The following JMJD1C variants were observed in gnomAD, a reference collection of about 807,000 sequenced individuals.
JMJD1C encodes jumonji domain-containing protein 1C.
Under a neutral mutation model 245.3 loss-of-function variants are expected in JMJD1C, and 31 were observed. That is an observed-to-expected ratio of 0.13 (90% confidence interval 0.09 to 0.17). The LOEUF (loss-of-function observed/expected upper bound fraction) is 0.17. JMJD1C is among the 10% of genes least tolerant of loss of function. JMJD1C has a pLI of 1.00. For synonymous variants in JMJD1C, 1,057 were observed against 1,017.4 expected (o/e 1.04, Z -0.74); for missense variants, 2,691 against 3,000.2 (o/e 0.90, Z 2.41).
At position 63,389,116 on chromosome 10, in the gene JMJD1C, G is replaced by A. The variant is rs556911086; in HGVS notation, c.169-8634C>T. 3.9e-5 allele frequency among the ~76,000 whole-genome samples: 6 copies of A among 152,176 alleles called. No individual in the cohort carries two copies. The East Asian group carries it at 1.2e-3, about 29-fold the overall frequency. ...AGGTGGGCAGATCACCTGAGGTCAG[G>A]AGTTCAAGACAAGCCTGGCCAACAT... is the stretch of plus-strand genomic sequence containing the variant. On this transcript the variant is annotated intron_variant, in intron 1 of 25. Transcript: ENST00000399262.
intron 1 of JMJD1C, among the ~76,000 whole-genome samples, chr10:63,381,447 A>C (rs1194027058): frequency 6.6e-6 from 1 of 152,142 alleles, no homozygotes; most frequent in African/African-American, 2.4e-5. Context: ...CAGGAATTTG[A>C]GGCTACAGTG....
chr10:63,273,742 T>G (rs987216850), intron 2 of JMJD1C, among the ~76,000 whole-genome samples: 1 of 152,116 alleles, frequency 6.6e-6, no homozygotes, highest in Non-Finnish European at 1.5e-5. Context: ...TGCCCAGAAA[T>G]ACACATCTCT....
intron 25 of JMJD1C, 25 bp from the exon 26 acceptor site, chr10:63,168,159 A>G: frequency 6.9e-7 from 1 of 1,453,334 alleles, no homozygotes; most frequent in East Asian, 2.3e-5. Context: ...GATATTTCTA[A>G]TCACTTCAGT....
chr10:63,313,589 T>C (rs572805082), intron 2 of JMJD1C, among the ~76,000 whole-genome samples: 1 of 152,338 alleles, frequency 6.6e-6, no homozygotes, highest in Non-Finnish European at 1.5e-5. Context: ...TTCCATCACA[T>C]CTGCACCAAT....
chr10:63,265,907 A>G (rs1855515340), intron 2 of JMJD1C, among the ~76,000 whole-genome samples: 1 of 152,156 alleles, frequency 6.6e-6, no homozygotes, highest in African/African-American at 2.4e-5. Context: ...TAAAAAATAT[A>G]TAACATTTTG....
intron 2 of JMJD1C, among the ~76,000 whole-genome samples, chr10:63,352,124 T>C (rs903357729): frequency 3.3e-5 from 5 of 152,118 alleles, no homozygotes; most frequent in African/African-American, 7.2e-5. Flanking sequence ...ATTTTAGACA[T>C]AGGAATTAGC....
intron 2 of JMJD1C, among the ~76,000 whole-genome samples, chr10:63,375,790 A>G (rs1946695491): frequency 6.6e-6 from 1 of 151,996 alleles, no homozygotes; most frequent in Non-Finnish European, 1.5e-5. Flanking sequence ...CCTGGCCTCA[A>G]GCAATCCTCT....
intron 2 of JMJD1C, among the ~76,000 whole-genome samples, chr10:63,305,005 G>A (rs943114533): frequency 6.6e-6 from 1 of 152,126 alleles, no homozygotes; most frequent in Non-Finnish European, 1.5e-5. Flanking sequence ...CAGGCATGGT[G>A]CCATGTGCCT....
At chr10:63,471,873 A>G (rs1428586748) in intron 1 of JMJD1C, among the ~76,000 whole-genome samples, 6 of 152,184 alleles carry the variant, frequency 3.9e-5, no homozygotes, top group African/African-American at 1.2e-4. Flanking sequence ...TGCCTTCTCT[A>G]CTAAAAATAC....
Position 63,459,855 on chromosome 10 carries a change from A to G in JMJD1C, c.168+5640T>C, listed in dbSNP as rs138461778. ...TTTATTCTCCCAAAATGAAAACTCC[A>G]TAAGAGAAAAATCCACAGTAGTATG... On this transcript the variant is annotated intron_variant, in intron 1 of 25. Transcript: ENST00000399262. Among the ~76,000 whole-genome samples, 188 of 151,780 alleles carry G rather than the reference A, an allele frequency of 1.2e-3. 1 individual carries two copies. Among genetic ancestry groups the G allele is most frequent in the African/African-American group, 3.8e-3 (157 of 41,532 alleles).
chr10:63,262,356 C>T (rs974191460), intron 3 of JMJD1C, among the ~76,000 whole-genome samples: 1 of 151,800 alleles, frequency 6.6e-6, no homozygotes, highest in Non-Finnish European at 1.5e-5. Flanking sequence ...TAAATTTAAC[C>T]ATCTTAGGTA....
intron 3 of JMJD1C, among the ~76,000 whole-genome samples, chr10:63,234,070 G>C (rs1850348324): frequency 6.6e-6 from 1 of 152,058 alleles, no homozygotes; most frequent in African/African-American, 2.4e-5. Flanking sequence ...AGCTAATTTA[G>C]AAATTTTGTT....
chr10:63,253,409 A>G (rs1032312140), intron 3 of JMJD1C, among the ~76,000 whole-genome samples: 4 of 151,676 alleles, frequency 2.6e-5, no homozygotes, highest in Middle Eastern at 3.4e-3. Context: ...TTTGAGACGA[A>G]GTCTTGCTCT....
chr10:63,310,650 T>A (rs1315843799), intron 2 of JMJD1C, among the ~76,000 whole-genome samples: 1 of 152,208 alleles, frequency 6.6e-6, no homozygotes, highest in African/African-American at 2.4e-5. Flanking sequence ...AAAACTTTTA[T>A]TCACTAAAAC....
chr10:63,261,888 C>CA (rs1343558708), intron 3 of JMJD1C, among the ~76,000 whole-genome samples: 1 of 152,284 alleles, frequency 6.6e-6, no homozygotes, highest in East Asian at 1.9e-4. Flanking sequence ...ATTAGATTCA[C>CA]AGCAAAGCAT....
intron 11 of JMJD1C, 64 bp from the exon 12 acceptor site, chr10:63,198,791 A>T: frequency 1.1e-6 from 1 of 902,758 alleles, no homozygotes; most frequent in Non-Finnish European, 1.6e-6. Context: ...CAGTCTTTAA[A>T]ATTGTAAATT....
chr10:63,359,064 G>A (rs1945106315), intron 2 of JMJD1C: 1 of 153,274 alleles, frequency 6.5e-6, no homozygotes, highest in Non-Finnish European at 1.5e-5. Context: ...CTAATGAAAG[G>A]AACACCTGTT....
At position 63,214,160 on chromosome 10, in the gene JMJD1C, A is replaced by G. The variant is rs1177208572; in HGVS notation, c.2007T>C (p.Gly669=). ...CTATCTTATTTGCCAATCTTCTTTC[A>G]CCAGTAGCTTGGCTGTTCACATAAG... ...KATYVNSQAT[G]ERRLANKIEH... Residue 669 remains glycine, a synonymous_variant, in exon 8 of 26, where the codon GGT becomes GGC. Coordinates refer to ENST00000399262, the MANE Select transcript of JMJD1C (RefSeq NM_032776.3). 1.9e-6 allele frequency: 3 copies of G among 1,614,166 alleles called. No homozygotes were observed. The highest frequency in any genetic ancestry group is 2.5e-6 in the Non-Finnish European group (3 of 1,180,036).
intron 3 of JMJD1C, among the ~76,000 whole-genome samples, chr10:63,235,944 A>AATG (rs1850677912): frequency 6.6e-6 from 1 of 152,226 alleles, no homozygotes; most frequent in South Asian, 2.1e-4. Flanking sequence ...AAAAACAGAA[A>AATG]ATGACGTAGC....
Sources: gnomAD v4.1 joint callset for allele counts (sites outside exome capture counted in the v4.1 genomes callset) on GRCh38, gnomAD v4.1.1 for gene constraint, MANE v1.5 for transcripts, NCBI Gene and HGNC (gene_info 2026-07-23, HGNC 2026-07-21) for gene names.